TBC1D13: variants seen among roughly 807,000 people sequenced by gnomAD.
TBC1D13 encodes the protein TBC1 domain family member 13, also known as epididymis secretory sperm binding protein.
In TBC1D13, 40 loss-of-function variants were observed where a neutral mutation model predicts 53.6. The observed-to-expected ratio is 0.75, with a 90% confidence interval of 0.58 to 0.97. The LOEUF (loss-of-function observed/expected upper bound fraction) is 0.97. Among genes scored for constraint, TBC1D13 ranks in the 50% least tolerant of loss-of-function variants. The pLI is 0.00. For synonymous variants in TBC1D13, 182 were observed against 197.7 expected, an observed-to-expected ratio of 0.92 and a Z score of 0.67; for missense variants, 377 against 499.4, an observed-to-expected ratio of 0.75 and a Z score of 2.34.
chr9:128,788,546 T>C, intron 2 of TBC1D13, 139 bp downstream of exon 2: 2 of 705,912 alleles, frequency 2.8e-6, no homozygotes, highest in Non-Finnish European at 4.8e-6. Flanking sequence ...CACAGACTCT[T>C]GGGGCCTTTT....
At chr9:128,806,057 C>A in intron 10 of TBC1D13, 38 bp downstream of exon 10, 4 of 1,604,674 alleles carry the variant, frequency 2.5e-6, no homozygotes, top group South Asian at 1.1e-5. Context: ...CTCACCTGGG[C>A]AGTCCTTGGA....
chr9:128,791,318 G>C, intron 3 of TBC1D13, 62 bp from the exon 4 acceptor site: 1 of 1,486,808 alleles, frequency 6.7e-7, no homozygotes, highest in African/African-American at 1.4e-5. Flanking sequence ...TGTCATCCCC[G>C]CCTAAAGACT....
In TBC1D13 at chr9:128,791,396, T is replaced by G. The variant is rs777054560; in HGVS notation, c.155T>G (p.Leu52Arg). Residue 52 changes from leucine to arginine, a missense_variant, in exon 4 of 12, where the codon CTT becomes CGT. Leu to Arg is a moderately radical substitution (Grantham distance 102). Coordinates refer to ENST00000372648, the MANE Select transcript of TBC1D13 (RefSeq NM_018201.5). ...CLCWKILLNY[L>R]PLERASWTSI... Reference sequence around the variant, plus strand: ...TCTGTGCAGATTCTCTTGAACTACCTTCCCTTGGAGAGAGCCTCATGGACC... The same window carrying G: ...TCTGTGCAGATTCTCTTGAACTACCGTCCCTTGGAGAGAGCCTCATGGACC... 6.2e-7 allele frequency: 1 copy of G among 1,614,176 alleles called. No individual in the cohort carries two copies.
In TBC1D13 at chr9:128,806,261, C is replaced by T. The variant is rs893474524; in HGVS notation, c.1087C>T (p.Arg363Trp). 20 of 1,614,014 alleles carry T rather than the reference C, an allele frequency of 1.2e-5. No individual in the cohort carries two copies. The highest frequency in any genetic ancestry group is 1.7e-5 in the Non-Finnish European group (20 of 1,180,032). The change falls in exon 11 of 12, where the codon CGG becomes TGG. Residue 363 changes from arginine to tryptophan, a missense_variant. Arg to Trp is a moderately radical substitution (Grantham distance 101, BLOSUM62 -3). Transcript: ENST00000372648. Reference protein sequence around the residue: ...LVCCAMLMLIREQLLEGDFTV... With the variant: ...LVCCAMLMLIWEQLLEGDFTV... ...TGCTGCTGCTTTTCATAGGCTGATC[C>T]GGGAGCAGTTGCTGGAAGGGGACTT...
chr9:128,796,585 A>G (rs1829635210), intron 6 of TBC1D13, among the ~76,000 whole-genome samples: 1 of 151,944 alleles, frequency 6.6e-6, no homozygotes, highest in Non-Finnish European at 1.5e-5. Context: ...AAAATTTACC[A>G]TGTTGGCCGG....
In TBC1D13 at chr9:128,808,457, T is replaced by TGTGTGTGTGTGTGTGTGTGTGTGTGTGTG. The variant is rs1554796455; in HGVS notation, c.*578_*579insGTGTGTGTGTGTGTGTGTGTGTGTGTGTG. On this transcript the variant is annotated 3_prime_UTR_variant, in exon 12 of 12. Coordinates refer to ENST00000372648, the MANE Select transcript of TBC1D13 (RefSeq NM_018201.5). Reference sequence around the variant, plus strand: ...TGTGTGTGTGTGTGTGTGTGTGTGTTAGGGAGTGAGGGTCTCTCAGGCCTC... The same window carrying TGTGTGTGTGTGTGTGTGTGTGTGTGTGTG: ...TGTGTGTGTGTGTGTGTGTGTGTGTTGTGTGTGTGTGTGTGTGTGTGTGTGTGTGAGGGAGTGAGGGTCTCTCAGGCCTC... The TGTGTGTGTGTGTGTGTGTGTGTGTGTGTG allele has an allele frequency of 2.0e-5, 1 of 51,132 alleles. No individual in the cohort carries two copies. Among genetic ancestry groups the TGTGTGTGTGTGTGTGTGTGTGTGTGTGTG allele is most frequent in the Non-Finnish European group, 3.8e-5 (1 of 26,174 alleles). The allele number at this position is 51,132 out of a possible 1,614,324, so 3.2% of individuals were successfully genotyped here.
chr9:128,800,698 A>T (rs1829717103), intron 7 of TBC1D13, among the ~76,000 whole-genome samples: 1 of 152,142 alleles, frequency 6.6e-6, no homozygotes, highest in Admixed American at 6.6e-5. Context: ...CATTCAGGAA[A>T]GTTGAAAGGA....
rs761339960 is a variant in TBC1D13 at position 128,797,193 on chromosome 9, G to A, written c.522G>A (p.Arg174=). Residue 174 remains arginine, a synonymous_variant, in exon 7 of 12, where the codon CGG becomes CGA. Coordinates refer to ENST00000372648, the MANE Select transcript of TBC1D13 (RefSeq NM_018201.5). ...CACTGAAATCTCAGACGGTGGCCCG[G>A]AACCGGAGTGGGGTCACAAATGTGA... ...QTTLKSQTVA[R]NRSGVTNMSS... is the part of the protein sequence containing the mutation. 1.9e-6 allele frequency: 3 copies of A among 1,614,058 alleles called. No individual in the cohort carries two copies. Among genetic ancestry groups the A allele is most frequent in the Non-Finnish European group, 2.5e-6 (3 of 1,179,984 alleles).
intron 7 of TBC1D13, among the ~76,000 whole-genome samples, chr9:128,799,076 G>T (rs527300321): frequency 3.3e-5 from 5 of 152,310 alleles, no homozygotes; most frequent in Non-Finnish European, 7.3e-5. Context: ...AGGGTTGCAG[G>T]TGCCTACGAG....
chr9:128,790,650 C>A, intron 2 of TBC1D13, 85 bp from the exon 3 acceptor site: 1 of 1,313,554 alleles, frequency 7.6e-7, no homozygotes, highest in Non-Finnish European at 1.0e-6. Context: ...GCCCACTCTA[C>A]TCCCCGCCAG....
chr9:128,789,805 A>G (rs1829495797), intron 2 of TBC1D13: 1 of 91,664 alleles, frequency 1.1e-5, no homozygotes, highest in South Asian at 4.2e-4. Context: ...ATATATATAT[A>G]TATATATAAT....
intron 11 of TBC1D13, 59 bp downstream of exon 11, chr9:128,806,370 C>T: frequency 6.3e-7 from 1 of 1,597,458 alleles, no homozygotes; most frequent in Non-Finnish European, 8.6e-7. Context: ...CGCCAGGCAC[C>T]TGCCCACGCC....
intron 6 of TBC1D13, among the ~76,000 whole-genome samples, chr9:128,796,419 T>G (rs771387317): frequency 6.6e-6 from 1 of 152,102 alleles, no homozygotes; most frequent in Non-Finnish European, 1.5e-5. Flanking sequence ...CCGGGTAATT[T>G]TGTATTTTTT....
intron 7 of TBC1D13, among the ~76,000 whole-genome samples, chr9:128,797,449 T>G (rs1040346195): frequency 6.6e-6 from 1 of 152,182 alleles, no homozygotes; most frequent in African/African-American, 2.4e-5. Context: ...AGTGAGTGAA[T>G]GAGCCAGGCT....
At chr9:128,801,354 A>C (rs1257176003) in intron 7 of TBC1D13, among the ~76,000 whole-genome samples, 5 of 151,840 alleles carry the variant, frequency 3.3e-5, no homozygotes, top group Non-Finnish European at 5.9e-5. Flanking sequence ...TCCCCTCCCC[A>C]ACCCCATCCC....
chr9:128,791,830 T>C (rs1363227266), intron 5 of TBC1D13, 137 bp downstream of exon 5: 1 of 701,914 alleles, frequency 1.4e-6, no homozygotes, highest in East Asian at 2.7e-5. Flanking sequence ...CAGTTCCTCC[T>C]TTCTGCGTTG....
chr9:128,797,136 T>C lies in TBC1D13; in HGVS notation c.465T>C (p.Phe155=), dbSNP rs1441575361. The change falls in exon 7 of 12, where the codon TTT becomes TTC. Residue 155 remains phenylalanine, a synonymous_variant. Coordinates refer to ENST00000372648, the MANE Select transcript of TBC1D13 (RefSeq NM_018201.5). ...TCATCCTGGACCCCCAGAATGAGTT[T>C]GAAACCCTTCGTAAGAGAGTGGAAC... is the stretch of plus-strand genomic sequence containing the variant. ...CLLILDPQNE[F]ETLRKRVEQT... is the part of the protein sequence containing the mutation. 6.8e-6 allele frequency: 11 copies of C among 1,614,098 alleles called. No individual in the cohort carries two copies. Among genetic ancestry groups the C allele is most frequent in the Non-Finnish European group, 7.6e-6 (9 of 1,180,020 alleles).
chr9:128,805,316 G>A (rs1465104709), intron 9 of TBC1D13, among the ~76,000 whole-genome samples: 2 of 152,028 alleles, frequency 1.3e-5, no homozygotes, highest in African/African-American at 4.8e-5. Context: ...AGGCAATATA[G>A]CGAGACCTCA....
chr9:128,793,923 C>G (rs1324256172), intron 6 of TBC1D13, among the ~76,000 whole-genome samples: 1 of 152,240 alleles, frequency 6.6e-6, no homozygotes, highest in Non-Finnish European at 1.5e-5. Flanking sequence ...CTGAAACAGT[C>G]TCTGCCTTCT....
Sources: allele counts gnomAD v4.1 joint callset (sites outside exome capture counted in the v4.1 genomes callset), GRCh38; gene constraint gnomAD v4.1.1; transcripts MANE v1.5; gene names NCBI Gene and HGNC (gene_info 2026-07-23, HGNC 2026-07-21).